GTF2IRD1: variants seen among roughly 807,000 people sequenced by gnomAD.
The protein encoded by GTF2IRD1 is general transcription factor II-I repeat domain-containing protein 1.
Under a neutral mutation model 113.2 loss-of-function variants are expected in GTF2IRD1, and 26 were observed. That is an observed-to-expected ratio of 0.23 (90% CI 0.17 to 0.32). The LOEUF is 0.32. Ranked by LOEUF, GTF2IRD1 falls within the 10% of genes least tolerant of loss-of-function variation. The pLI, the probability that GTF2IRD1 is intolerant of heterozygous loss-of-function variation, is 1.00. For synonymous variants in GTF2IRD1, 484 were observed against 529.1 expected (o/e 0.91, Z 1.17); for missense variants, 864 against 1,280.8 (o/e 0.67, Z 4.97).
In GTF2IRD1 at chr7:74,555,406, A is replaced by G. The variant is rs1554356469; in HGVS notation, c.1967-32A>G. 2 of 1,613,016 alleles carry G rather than the reference A, an allele frequency of 1.2e-6. No homozygotes were observed. The highest frequency in any genetic ancestry group is 1.7e-6 in the Non-Finnish European group (2 of 1,179,102). Reference sequence around the variant, plus strand: ...CTTGGGTCCCAGGAACTGCCTCCTCACTTGGCTTCTCTCCCCCTGCCCTGC... The same window carrying G: ...CTTGGGTCCCAGGAACTGCCTCCTCGCTTGGCTTCTCTCCCCCTGCCCTGC... On this transcript the variant is annotated intron_variant, in intron 18 of 26. Transcript: ENST00000424337. This position sits in a 1 kb window ranked among gnomAD's most constrained non-coding sequence, Gnocchi z 5.3.
rs1554344378 is a variant in GTF2IRD1, at chr7:74,515,420, CG to C, written c.266-20del. 1 of 1,561,726 alleles carries C rather than the reference CG, an allele frequency of 6.4e-7. No homozygotes were observed. Among genetic ancestry groups the C allele is most frequent in the Non-Finnish European group, 8.7e-7 (1 of 1,152,086 alleles). ...GTGAGACGGGTGCTCACTGTGGCCT[CG>C]CGTGCTCTGTGTCCCACAGGAGGGC... is the stretch of plus-strand genomic sequence containing the variant. On this transcript the variant is annotated intron_variant, in intron 3 of 26. Coordinates refer to ENST00000424337, the MANE Select transcript of GTF2IRD1 (RefSeq NM_005685.4).
chr7:74,590,725 G>T, intron 23 of GTF2IRD1, 100 bp from the exon 24 acceptor site: 1 of 722,716 alleles, frequency 1.4e-6, no homozygotes, highest in Admixed American at 2.9e-5. Flanking sequence ...GGGTGTGATG[G>T]CTGCTGGGCT....
At position 74,559,646 on chromosome 7, in the gene GTF2IRD1, C is replaced by T. The variant is rs1554358464; in HGVS notation, c.2311C>T (p.Pro771Ser). 1.3e-6 allele frequency: 2 copies of T among 1,597,416 alleles called. No homozygotes were observed. The highest frequency in any genetic ancestry group is 2.2e-5 in the East Asian group (1 of 44,462). ...TTCTAGGCCTTTCCAAGGACTCATC[C>T]CAAAGCCTGGTAAGAGGCACTGGCT... ...TVTRPFQGLIPKPDEDDANRL... is the reference protein window; with the variant it reads ...TVTRPFQGLISKPDEDDANRL... The change falls in exon 22 of 27, where the codon CCA (proline) becomes TCA (serine). Residue 771 changes from proline (P) to serine (S), a missense_variant. This residue lies in a region of GTF2IRD1 where 195 missense variants were observed against 359.1 expected (regional missense o/e 0.54). Transcript: ENST00000424337.
At chr7:74,535,034 G>A (rs1798210682) in intron 9 of GTF2IRD1, 79 bp from the exon 10 acceptor site, 1 of 1,167,788 alleles carries the variant, frequency 8.6e-7, no homozygotes. Flanking sequence ...CACCAAAGGG[G>A]ACTGGAGGCA....
chr7:74,538,219 CA>C, intron 12 of GTF2IRD1, 46 bp downstream of exon 12: 1 of 1,582,894 alleles, frequency 6.3e-7, no homozygotes, highest in East Asian at 2.2e-5. Context: ...GCCGGGAGGG[CA>C]ACCACCAGCC....
chr7:74,582,136 C>A lies in GTF2IRD1; in HGVS notation c.2321-7715C>A, dbSNP rs1429892636. 5.2e-5 allele frequency among the ~76,000 whole-genome samples: 8 copies of A among 152,400 alleles called. No individual in the cohort carries two copies. In the East Asian group the frequency reaches 1.5e-3, roughly 29 times the overall value. ...TCGGTTGCAGCGGGGGCCACGATTC[C>A]TGTCGGGCAAGACTGGTGCCAGCCT... is the stretch of plus-strand genomic sequence containing the variant. On this transcript the variant is annotated intron_variant, in intron 22 of 26. Transcript: ENST00000424337.
intron 17 of GTF2IRD1, 90 bp downstream of exon 17, chr7:74,547,376 T>A: frequency 9.6e-7 from 1 of 1,039,848 alleles, no homozygotes; most frequent in Non-Finnish European, 1.4e-6. Context: ...CAAGCAATTC[T>A]TGTGCCTCAG....
chr7:74,551,458 C>A lies in GTF2IRD1; in HGVS notation c.1917-3716C>A, dbSNP rs180684673. Among the ~76,000 whole-genome samples, 134 of 152,318 alleles carry A rather than the reference C, an allele frequency of 8.8e-4. 1 individual carries two copies. Among genetic ancestry groups the A allele is most frequent in the African/African-American group, 3.0e-3 (124 of 41,578 alleles). On this transcript the variant is annotated intron_variant, in intron 17 of 26. Transcript: ENST00000424337. Reference sequence around the variant, plus strand: ...CTTGCAGCCCAGCAGTAAATGCCACCAAGTCCTGCCCTGGAGTTGCCGATG... The same window carrying A: ...CTTGCAGCCCAGCAGTAAATGCCACAAAGTCCTGCCCTGGAGTTGCCGATG...
At chr7:74,471,681 AAAAAAAAAC>A (rs1196711721) in intron 1 of GTF2IRD1, among the ~76,000 whole-genome samples, 814 of 71,392 alleles carry the variant, frequency 0.011, 7 homozygotes, top group African/African-American at 0.039. Flanking sequence ...TTAAAAAAAA[AAAAAAAAAC>A]AAAAAAAAAA....
intron 1 of GTF2IRD1, among the ~76,000 whole-genome samples, chr7:74,492,249 C>A (rs1487251192): frequency 2.0e-5 from 3 of 151,856 alleles, no homozygotes; most frequent in Non-Finnish European, 4.4e-5. Context: ...CGGCTCACCG[C>A]AAGCTCTGCC....
chr7:74,483,920 C>T (rs1794880880), intron 1 of GTF2IRD1, among the ~76,000 whole-genome samples: 1 of 151,974 alleles, frequency 6.6e-6, no homozygotes, highest in South Asian at 2.1e-4. Flanking sequence ...AATGCAGTGT[C>T]TCACTTCTGC....
chr7:74,526,055 T>C (rs1797576607), intron 8 of GTF2IRD1, among the ~76,000 whole-genome samples: 1 of 152,132 alleles, frequency 6.6e-6, no homozygotes. Flanking sequence ...CAAAGGGCTG[T>C]CTGCACCTGC....
intron 6 of GTF2IRD1, among the ~76,000 whole-genome samples, chr7:74,520,842 C>CTATTATTATTAT (rs200488760): frequency 3.5e-3 from 451 of 129,086 alleles, no homozygotes; most frequent in South Asian, 8.2e-3. Context: ...GTTATATATA[C>CTATTATTATTAT]TATTATTATT....
intron 3 of GTF2IRD1, 74 bp downstream of exon 3, chr7:74,513,045 C>T: frequency 1.4e-6 from 2 of 1,443,186 alleles, no homozygotes; most frequent in East Asian, 2.3e-5. Context: ...ATCTCTGGGT[C>T]CCCAACCCTG....
intron 1 of GTF2IRD1, among the ~76,000 whole-genome samples, chr7:74,499,887 TACACACCAAGGAATTAGTCAATGAATGC>T (rs1554338983): frequency 6.6e-6 from 1 of 152,060 alleles, no homozygotes; most frequent in Non-Finnish European, 1.5e-5. Flanking sequence ...TGAGTGAATG[TACACACCAAGGAATTAGTCAATGAATGC>T]ACACACACAG....
rs782302220 is a variant in GTF2IRD1 at position 74,521,197 on chromosome 7, C to T, written c.917-11C>T. ...CCACCTGGAACCTTCTTCCTTCTCTCCCTTGTCCAGGACAGAAGCCCACTG... is the reference window on the plus strand; with the variant it reads ...CCACCTGGAACCTTCTTCCTTCTCTTCCTTGTCCAGGACAGAAGCCCACTG... On this transcript the variant is annotated splice_polypyrimidine_tract_variant and intron_variant, in intron 6 of 26. Coordinates refer to ENST00000424337, the MANE Select transcript of GTF2IRD1 (RefSeq NM_005685.4). 1.5e-5 allele frequency: 23 copies of T among 1,548,654 alleles called. No individual in the cohort carries two copies. Among genetic ancestry groups the T allele is most frequent in the Non-Finnish European group, 2.0e-5 (22 of 1,121,094 alleles).
chr7:74,567,148 T>G (rs587747027), intron 22 of GTF2IRD1, among the ~76,000 whole-genome samples: 1 of 151,586 alleles, frequency 6.6e-6, no homozygotes, highest in Admixed American at 6.6e-5. Flanking sequence ...GCCAGCATGG[T>G]GAAACCCCGT....
chr7:74,592,410 T>C (rs1237493160), intron 24 of GTF2IRD1, among the ~76,000 whole-genome samples: 46 of 149,366 alleles, frequency 3.1e-4, no homozygotes, highest in Admixed American at 9.4e-4. Flanking sequence ...CAGCCCCCCC[T>C]TTTTTTTTGT....
chr7:74,503,166 C>A (rs1197825427), intron 1 of GTF2IRD1, among the ~76,000 whole-genome samples: 14 of 140,918 alleles, frequency 9.9e-5, no homozygotes, highest in Non-Finnish European at 1.7e-4. Context: ...GACTCCATCT[C>A]AAAAAAAAAA....
Sources: gnomAD v4.1 joint callset for allele counts (sites outside exome capture counted in the v4.1 genomes callset) on GRCh38, gnomAD v4.1.1 for gene constraint, gnomAD v4.1.1 regional missense constraint, Gnocchi (gnomAD v3.1) non-coding constraint, MANE v1.5 for transcripts, NCBI Gene and HGNC (gene_info 2026-07-23, HGNC 2026-07-21) for gene names.